The following KIF27 variants were observed in gnomAD, a reference collection of about 807,000 sequenced individuals.
The protein encoded by KIF27 is kinesin-like protein KIF27.
Under a neutral mutation model 141.8 loss-of-function variants are expected in KIF27, and 84 were observed. That is an observed-to-expected ratio of 0.59 (90% CI 0.50 to 0.71). The LOEUF is 0.71. KIF27 is among the 30% of genes least tolerant of loss of function. The probability of loss-of-function intolerance (pLI) is 0.00; values close to 1 mark genes in which losing one functional copy is unlikely to be tolerated. For synonymous variants in KIF27, 471 were observed against 569.5 expected, an observed-to-expected ratio of 0.83 and a Z score of 2.46; for missense variants, 1,306 against 1,628.4, an observed-to-expected ratio of 0.80 and a Z score of 3.41.
intron 14 of KIF27, among the ~76,000 whole-genome samples, chr9:83,855,383 C>A (rs1949085201): frequency 6.6e-6 from 1 of 152,124 alleles, no homozygotes; most frequent in Non-Finnish European, 1.5e-5. Context: ...GTTCACCAGC[C>A]ATTCTATTTC....
At chr9:83,918,094 C>T (rs959477835) in intron 1 of KIF27, among the ~76,000 whole-genome samples, 1 of 151,868 alleles carries the variant, frequency 6.6e-6, no homozygotes, top group African/African-American at 2.4e-5. Context: ...TATAGTGAGA[C>T]GCCATGTCTA....
At chr9:83,892,969 T>G (rs1230973981) in intron 5 of KIF27, among the ~76,000 whole-genome samples, 1 of 152,222 alleles carries the variant, frequency 6.6e-6, no homozygotes, top group Non-Finnish European at 1.5e-5. Context: ...GCACAGTGGC[T>G]CACACCTGTA....
At position 83,837,118 on chromosome 9, in the gene KIF27, T is replaced by C. The variant is rs1014170156; in HGVS notation, c.4089A>G (p.Leu1363=). The part of the protein sequence containing the change: ...VTPVKLCRKE[L]RQISALELSL... ...ATAGTTCCAAGGCGGAAATTTGACG[T>C]AATTCTTTTCGACACAGTTTTACAG... Residue 1363 remains leucine, a synonymous_variant, in exon 18 of 18, where the codon TTA becomes TTG. Transcript: ENST00000297814. 1.4e-5 allele frequency: 22 copies of C among 1,613,946 alleles called. No individual in the cohort carries two copies. The highest frequency in any genetic ancestry group is 9.3e-5 in the African/African-American group (7 of 74,936).
intron 15 of KIF27, among the ~76,000 whole-genome samples, chr9:83,852,004 T>G (rs1192217531): frequency 6.6e-6 from 1 of 151,844 alleles, no homozygotes; most frequent in African/African-American, 2.4e-5. Flanking sequence ...AGCACACGCC[T>G]GTGATCCTAG....
intron 16 of KIF27, among the ~76,000 whole-genome samples, chr9:83,846,086 C>T: frequency 6.6e-6 from 1 of 151,984 alleles, no homozygotes; most frequent in Non-Finnish European, 1.5e-5. Flanking sequence ...TTCCACTCAC[C>T]AAGGCTGACC....
At chr9:83,857,077 C>CAA (rs1949306703) in intron 14 of KIF27, among the ~76,000 whole-genome samples, 1 of 138,566 alleles carries the variant, frequency 7.2e-6, no homozygotes, top group African/African-American at 2.7e-5. Flanking sequence ...CTGGATTTTA[C>CAA]CAAAAAAAAA....
At chr9:83,856,186 C>T (rs1185356008) in intron 14 of KIF27, among the ~76,000 whole-genome samples, 1 of 152,120 alleles carries the variant, frequency 6.6e-6, no homozygotes, top group African/African-American at 2.4e-5. Flanking sequence ...CCACTTGGGG[C>T]CTGAGGATCT....
chr9:83,848,436 C>G (rs1423893192), intron 16 of KIF27, among the ~76,000 whole-genome samples: 1 of 136,842 alleles, frequency 7.3e-6, no homozygotes, highest in African/African-American at 2.7e-5. Context: ...ATCTATATAT[C>G]ATATATGCTA....
intron 2 of KIF27, among the ~76,000 whole-genome samples, chr9:83,913,673 G>A (rs1341039753): frequency 6.6e-6 from 1 of 152,234 alleles, no homozygotes; most frequent in African/African-American, 2.4e-5. Context: ...CTGGCCTCAA[G>A]TGATCTGCCT....
intron 6 of KIF27, among the ~76,000 whole-genome samples, chr9:83,889,580 C>T (rs1952470167): frequency 1.3e-5 from 2 of 151,394 alleles, no homozygotes; most frequent in Admixed American, 6.6e-5. Flanking sequence ...CACAGACACA[C>T]CCCAACAAAT....
In KIF27 at chr9:83,859,286, G is replaced by C; in HGVS notation, c.3020C>G (p.Thr1007Ser). 1 of 1,613,862 alleles carries C rather than the reference G, an allele frequency of 6.2e-7. No individual in the cohort carries two copies. ...CTTTGTTTTCTCCTCAGCTGTACTG[G>C]TCTGGAGCTGCACATTCTTTTCAGA... Reference protein sequence around the residue: ...ELSEKNVQLQTSTAEEKTKIS... With the variant: ...ELSEKNVQLQSSTAEEKTKIS... Residue 1007 changes from threonine to serine, a missense_variant, in exon 14 of 18, where the codon ACC becomes AGC. Physicochemically the swap from Thr to Ser is moderately conservative, Grantham distance 58. Transcript: ENST00000297814.
Position 83,834,153 on chromosome 9 carries a change from GA to G in KIF27, c.*2847del, listed in dbSNP as rs1945536680. 1.3e-5 allele frequency among the ~76,000 whole-genome samples: 2 copies of G among 151,600 alleles called. No individual in the cohort carries two copies. Among genetic ancestry groups the G allele is most frequent in the African/African-American group, 4.8e-5 (2 of 41,296 alleles). The stretch of plus-strand genomic sequence containing the variant: ...AAGAGGAAAAAAGAACATAATGAAC[GA>G]AAAAAAGAAAACCACAAACATTTTA... On this transcript the variant is annotated 3_prime_UTR_variant, in exon 18 of 18. Coordinates refer to ENST00000297814, the MANE Select transcript of KIF27 (RefSeq NM_017576.4).
At chr9:83,904,824 C>T (rs1282661507) in intron 3 of KIF27, among the ~76,000 whole-genome samples, 1 of 149,272 alleles carries the variant, frequency 6.7e-6, no homozygotes, top group African/African-American at 2.5e-5. Flanking sequence ...TTTTTGGTAT[C>T]GTGAGGTCAT....
chr9:83,889,816 T>G (rs1952495283), intron 6 of KIF27, among the ~76,000 whole-genome samples: 1 of 152,210 alleles, frequency 6.6e-6, no homozygotes, highest in Admixed American at 6.5e-5. Context: ...GGAAAAATAT[T>G]TAATATATGT....
At position 83,908,547 on chromosome 9, in the gene KIF27, TAA is replaced by T; in HGVS notation, c.402_403del (p.Ile136ArgfsTer26). ...TAGGTCTTCCTTGTACACTTCTATA[TAA>T]GATACTTTTACATTAAAGTCAATGC... is the stretch of plus-strand genomic sequence containing the variant. On this transcript the variant is annotated frameshift_variant, in exon 3 of 18. Coordinates refer to ENST00000297814, the MANE Select transcript of KIF27 (RefSeq NM_017576.4). LOFTEE classifies it high-confidence loss of function. 6.2e-7 allele frequency: 1 copy of T among 1,610,116 alleles called. No individual in the cohort carries two copies. Among genetic ancestry groups the T allele is most frequent in the Non-Finnish European group, 8.5e-7 (1 of 1,176,618 alleles).
chr9:83,889,738 C>G (rs1952487417), intron 6 of KIF27, among the ~76,000 whole-genome samples: 1 of 151,966 alleles, frequency 6.6e-6, no homozygotes, highest in Non-Finnish European at 1.5e-5. Flanking sequence ...TATTCCTAAT[C>G]TGAATACCAC....
intron 11 of KIF27, 78 bp from the exon 12 acceptor site, chr9:83,870,710 T>TC: frequency 7.9e-5 from 71 of 899,902 alleles, no homozygotes; most frequent in Non-Finnish European, 9.2e-5. Context: ...TTATTTTCTT[T>TC]TTTTTTTTTT....
At chr9:83,866,008 T>C (rs1337928442) in intron 13 of KIF27, among the ~76,000 whole-genome samples, 1 of 152,138 alleles carries the variant, frequency 6.6e-6, no homozygotes, top group African/African-American at 2.4e-5. Flanking sequence ...AGGAAATAGA[T>C]GTTTCACGAT....
intron 1 of KIF27, among the ~76,000 whole-genome samples, chr9:83,919,801 G>A (rs1012102258): frequency 2.0e-5 from 3 of 151,958 alleles, no homozygotes; most frequent in African/African-American, 4.8e-5. Context: ...AGGCTGAAGC[G>A]AGAGGATCCC....
Sources: allele counts gnomAD v4.1 joint callset (sites outside exome capture counted in the v4.1 genomes callset), GRCh38; gene constraint gnomAD v4.1.1; transcripts MANE v1.5; gene names NCBI Gene and HGNC (gene_info 2026-07-23, HGNC 2026-07-21).